THRA: variants seen among roughly 807,000 people sequenced by gnomAD.
THRA encodes the protein thyroid hormone receptor alpha, also known as EAR-7.
THRA carries 13 observed loss-of-function variants against 45.0 expected under a neutral mutation model. The ratio of observed to expected loss-of-function variants is 0.29; its 90% CI spans 0.19 to 0.46. The LOEUF (loss-of-function observed/expected upper bound fraction) is 0.46. Among genes scored for constraint, THRA ranks in the 20% least tolerant of loss-of-function variants. The pLI is 1.00. For synonymous variants in THRA, 195 were observed against 214.0 expected, an observed-to-expected ratio of 0.91 and a Z score of 0.78; for missense variants, 278 against 556.1, an observed-to-expected ratio of 0.50 and a Z score of 5.03.
chr17:40,080,810 C>T (rs1300853837), intron 4 of THRA, among the ~76,000 whole-genome samples: 2 of 151,068 alleles, frequency 1.3e-5, no homozygotes, highest in Non-Finnish European at 2.9e-5. Flanking sequence ...GCAACCTCTG[C>T]CTCCCAGGTT....
intron 1 of THRA, among the ~76,000 whole-genome samples, chr17:40,073,670 T>G (rs1986854470): frequency 6.6e-6 from 1 of 151,934 alleles, no homozygotes; most frequent in African/African-American, 2.4e-5. Flanking sequence ...GCATGGGAGG[T>G]CAGTTCCCTA....
chr17:40,086,931 A>G (rs975831524), intron 7 of THRA, 78 bp downstream of exon 7: 10 of 1,582,306 alleles, frequency 6.3e-6, no homozygotes, highest in African/African-American at 2.7e-5. Flanking sequence ...GTACAGGCTC[A>G]TCTGAGGTTC....
At chr17:40,087,992 C>T (rs749052979) in intron 7 of THRA, among the ~76,000 whole-genome samples, 3 of 152,186 alleles carry the variant, frequency 2.0e-5, no homozygotes, top group Non-Finnish European at 4.4e-5. Flanking sequence ...AACTCCTGAC[C>T]TCAAGTGATC....
intron 1 of THRA, among the ~76,000 whole-genome samples, chr17:40,065,539 A>C (rs1986523456): frequency 6.6e-6 from 1 of 150,482 alleles, no homozygotes; most frequent in Admixed American, 6.6e-5. Flanking sequence ...CCCTGTTGCT[A>C]CCCCCGATCT....
At chr17:40,085,792 C>T (rs1229933958) in intron 6 of THRA, among the ~76,000 whole-genome samples, 9 of 151,970 alleles carry the variant, frequency 5.9e-5, no homozygotes, top group South Asian at 4.1e-4. Context: ...TACAGGCGTG[C>T]GCCACCACGC....
chr17:40,089,128 C>A lies in THRA; in HGVS notation c.983-78C>A. The A allele has an allele frequency of 7.0e-7, 1 of 1,436,840 alleles. No individual in the cohort carries two copies. Among genetic ancestry groups the A allele is most frequent in the Non-Finnish European group, 9.6e-7 (1 of 1,040,736 alleles). 89.0% of individuals were successfully genotyped at this position (1,436,840 alleles called of 1,614,324 possible). ...TATCTCCCCTCTAGTCCTTTCTTCC[C>A]ACGTCCCCACACCTCACCCTCCCCA... is the stretch of plus-strand genomic sequence containing the variant. On this transcript the variant is annotated intron_variant, in intron 8 of 8. Transcript: ENST00000450525. The surrounding 1 kb of genome is among the most constrained non-coding windows in gnomAD (Gnocchi z 6.1).
chr17:40,087,375 GCACACAGACACACA>G (rs917092168), intron 7 of THRA, among the ~76,000 whole-genome samples: 4 of 104,614 alleles, frequency 3.8e-5, no homozygotes, highest in Non-Finnish European at 7.7e-5. Context: ...CACACACCTA[GCACACAGACACACA>G]CACACAGACA....
rs1986875102 is a variant in THRA at position 40,074,284 on chromosome 17, C to G, written c.-205C>G. ...GCTTGCCCCCAGCCCTCCCACCTGC[C>G]ACTCCCTGGCCCCTCCCACCGCCCG... is the stretch of plus-strand genomic sequence containing the variant. On this transcript the variant is annotated 5_prime_UTR_variant, in exon 2 of 9. Coordinates refer to ENST00000450525, the MANE Select transcript of THRA (RefSeq NM_199334.5). The G allele has an allele frequency of 1.7e-6, 1 of 592,692 alleles. No individual in the cohort carries two copies. The highest frequency in any genetic ancestry group is 3.0e-6 in the Non-Finnish European group (1 of 332,760). The allele number at this position is 592,692 out of a possible 1,614,324, so 36.7% of individuals were successfully genotyped here. A position where few individuals can be genotyped will look rare whatever the true frequency, so the allele number is the denominator to read the frequency against.
At chr17:40,065,406 G>T (rs1299817927) in intron 1 of THRA, among the ~76,000 whole-genome samples, 7 of 152,134 alleles carry the variant, frequency 4.6e-5, no homozygotes, top group Non-Finnish European at 1.0e-4. Context: ...GTGTCTGTGT[G>T]AGTGATATGT....
At position 40,092,928 on chromosome 17, in the gene THRA, A is replaced by G. The variant is rs1476351778; in HGVS notation, c.*3472A>G. On this transcript the variant is annotated 3_prime_UTR_variant, in exon 9 of 9. Transcript: ENST00000450525. ...ATGGGGGAGGGAGGCAGGTATTTAC[A>G]AGAAGGCTCAGGGGGCCAGAGGCTC... 14 of 1,508,856 alleles carry G rather than the reference A, an allele frequency of 9.3e-6. No homozygotes were observed. Among genetic ancestry groups the G allele is most frequent in the Non-Finnish European group, 1.2e-5 (14 of 1,128,096 alleles). The allele number at this position is 1,508,856 out of a possible 1,614,324, so 93.5% of individuals were successfully genotyped here. A position where few individuals can be genotyped will look rare whatever the true frequency, so the allele number is the denominator to read the frequency against.
At position 40,074,552 on chromosome 17, in the gene THRA, C is replaced by T; in HGVS notation, c.53+11C>T. ...CCCAGAGGAGAACAGGTAATGGGTT[C>T]AGCAACTAGGTCATGCCAACTCCTA... On this transcript the variant is annotated intron_variant, in intron 2 of 8. Transcript: ENST00000450525. 1.9e-6 allele frequency: 3 copies of T among 1,614,006 alleles called. No homozygotes were observed. Among genetic ancestry groups the T allele is most frequent in the South Asian group, 2.2e-5 (2 of 91,056 alleles).
rs1986881644 is a variant in THRA at position 40,074,449 on chromosome 17, C to G, written c.-40C>G. On this transcript the variant is annotated 5_prime_UTR_variant, in exon 2 of 9. Coordinates refer to ENST00000450525, the MANE Select transcript of THRA (RefSeq NM_199334.5). Reference sequence around the variant, plus strand: ...GGGGCCAGTGTGCCCACCCCAGTCTCTTGGCGTGCTGGAGGGCATCCTGGA... The same window carrying G: ...GGGGCCAGTGTGCCCACCCCAGTCTGTTGGCGTGCTGGAGGGCATCCTGGA... The G allele has an allele frequency of 2.5e-6, 4 of 1,613,260 alleles. No individual in the cohort carries two copies. The highest frequency in any genetic ancestry group is 3.4e-6 in the Non-Finnish European group (4 of 1,179,388).
chr17:40,081,427 A>C (rs935872743), intron 4 of THRA, among the ~76,000 whole-genome samples: 1 of 151,616 alleles, frequency 6.6e-6, no homozygotes, highest in Admixed American at 6.6e-5. Flanking sequence ...CCCCTGGCCA[A>C]TTTGTGTATT....
chr17:40,077,284 T>G (rs1598392549), intron 3 of THRA, among the ~76,000 whole-genome samples: 1 of 152,102 alleles, frequency 6.6e-6, no homozygotes, highest in East Asian at 1.9e-4. Flanking sequence ...TGTAGATAGA[T>G]CAAGAAGAAA....
At chr17:40,081,137 T>C (rs960089344) in intron 4 of THRA, among the ~76,000 whole-genome samples, 5 of 152,156 alleles carry the variant, frequency 3.3e-5, no homozygotes, top group African/African-American at 4.8e-5. Context: ...GCAAATTGCT[T>C]CATCTCACCA....
intron 8 of THRA, among the ~76,000 whole-genome samples, 175 bp downstream of exon 8, chr17:40,088,675 C>G (rs571258789): frequency 1.3e-5 from 2 of 152,116 alleles, no homozygotes; most frequent in Admixed American, 6.5e-5. Flanking sequence ...CACTCGTTCC[C>G]CAGGCCCATC....
chr17:40,087,402 C>T (rs1334037910), intron 7 of THRA, among the ~76,000 whole-genome samples: 5 of 149,606 alleles, frequency 3.3e-5, no homozygotes, highest in African/African-American at 1.2e-4. Flanking sequence ...CACAGACACA[C>T]CCAGCACACA....
In THRA at chr17:40,089,007, T is replaced by G; in HGVS notation, c.983-199T>G. ...CCTCCCCCCAGTACCCCCCTGCCCCTCTCCACTTCCCAGCTGCCTCCCTCT... is the reference window on the plus strand; with the variant it reads ...CCTCCCCCCAGTACCCCCCTGCCCCGCTCCACTTCCCAGCTGCCTCCCTCT... On this transcript the variant is annotated intron_variant, in intron 8 of 8. Coordinates refer to ENST00000450525, the MANE Select transcript of THRA (RefSeq NM_199334.5). The surrounding 1 kb of genome is among the most constrained non-coding windows in gnomAD (Gnocchi z 6.1). 7.7e-5 allele frequency among the ~76,000 whole-genome samples: 1 copy of G among 12,956 alleles called. No homozygotes were observed. 8.5% of individuals were successfully genotyped at this position (12,956 alleles called of 152,430 possible).
intron 7 of THRA, 138 bp from the exon 8 acceptor site, chr17:40,088,104 A>T: frequency 8.5e-7 from 1 of 1,179,184 alleles, no homozygotes. Context: ...GGGCATGCAC[A>T]TGGCCCAATA....
Sources: gnomAD v4.1 joint callset for allele counts (sites outside exome capture counted in the v4.1 genomes callset) on GRCh38, gnomAD v4.1.1 for gene constraint, Gnocchi (gnomAD v3.1) non-coding constraint, MANE v1.5 for transcripts, NCBI Gene and HGNC (gene_info 2026-07-23, HGNC 2026-07-21) for gene names.